FOCAD: variants seen among roughly 807,000 people sequenced by gnomAD.
FOCAD encodes the protein KIAA1797.
Under a neutral mutation model 225.6 loss-of-function variants are expected in FOCAD, and 198 were observed. That is an observed-to-expected ratio of 0.88 (90% CI 0.78 to 0.99). The LOEUF is 0.99. Ranked by LOEUF, FOCAD falls within the 50% of genes least tolerant of loss-of-function variation. The probability of loss-of-function intolerance (pLI) is 0.00; values close to 1 mark genes in which losing one functional copy is unlikely to be tolerated. For missense variants in FOCAD, 2,713 were observed against 2,123.6 expected (o/e 1.28, Z -5.46); for synonymous variants, 897 against 755.0 (o/e 1.19, Z -3.08).
At chr9:20,732,955 A>G (rs2131615462) in intron 4 of FOCAD, among the ~76,000 whole-genome samples, 1 of 152,296 alleles carries the variant, frequency 6.6e-6, no homozygotes, top group East Asian at 1.9e-4. Flanking sequence ...TGTGTTGAAT[A>G]TGAGGCACAA....
Position 20,885,153 on chromosome 9 carries a change from G to A in FOCAD, c.2548G>A (p.Asp850Asn). 1 of 1,543,216 alleles carries A rather than the reference G, an allele frequency of 6.5e-7. No individual in the cohort carries two copies. Among genetic ancestry groups the A allele is most frequent in the African/African-American group, 1.4e-5 (1 of 72,520 alleles). Residue 850 changes from aspartate (D) to asparagine (N), a missense_variant, in exon 21 of 44, where the codon GAT becomes AAT. By Grantham distance (23) the Asp-to-Asn change is conservative. Transcript: ENST00000338382. Reference protein sequence around the residue: ...CYDVSMYQSKDGKPLNRLMAS... With the variant: ...CYDVSMYQSKNGKPLNRLMAS... ...TGATGTTTCCATGTATCAGAGTAAAGATGGAAAACCATTGAACAGACTGAT... is the reference window on the plus strand; with the variant it reads ...TGATGTTTCCATGTATCAGAGTAAAAATGGAAAACCATTGAACAGACTGAT...
chr9:20,708,601 T>A (rs1315219530), intron 1 of FOCAD, among the ~76,000 whole-genome samples: 1 of 151,796 alleles, frequency 6.6e-6, no homozygotes, highest in East Asian at 1.9e-4. Context: ...GAGTCCCCGT[T>A]GCTACAAAAA....
At chr9:20,687,603 A>G (rs1023499941) in intron 1 of FOCAD, among the ~76,000 whole-genome samples, 3 of 152,242 alleles carry the variant, frequency 2.0e-5, no homozygotes, top group Admixed American at 6.5e-5. Context: ...CGTGGAGAAG[A>G]ATGGAGGAAA....
chr9:20,902,872 A>G (rs909734201), intron 21 of FOCAD, among the ~76,000 whole-genome samples: 1 of 152,076 alleles, frequency 6.6e-6, no homozygotes, highest in South Asian at 2.1e-4. Flanking sequence ...GTTTCGAATG[A>G]TGATGACAAA....
intron 28 of FOCAD, among the ~76,000 whole-genome samples, chr9:20,937,143 G>T (rs1836060578): frequency 1.3e-5 from 2 of 149,868 alleles, no homozygotes; most frequent in South Asian, 4.4e-4. Flanking sequence ...CGTGAAAATG[G>T]CCATACTGCC....
chr9:20,745,711 A>G (rs1386776216), intron 5 of FOCAD, among the ~76,000 whole-genome samples: 1 of 152,204 alleles, frequency 6.6e-6, no homozygotes, highest in Non-Finnish European at 1.5e-5. Context: ...GATGTGCCAG[A>G]CAGTGGCTGA....
At chr9:20,816,925 T>A (rs112849912) in intron 11 of FOCAD, among the ~76,000 whole-genome samples, 8 of 152,188 alleles carry the variant, frequency 5.3e-5, no homozygotes. Flanking sequence ...TGAAAGGATG[T>A]GCATAGGTTG....
intron 27 of FOCAD, among the ~76,000 whole-genome samples, chr9:20,931,488 A>G (rs1835467056): frequency 6.6e-6 from 1 of 152,202 alleles, no homozygotes; most frequent in Admixed American, 6.5e-5. Flanking sequence ...AGGTAGTAAC[A>G]ATGCTAACAG....
intron 35 of FOCAD, among the ~76,000 whole-genome samples, chr9:20,973,563 A>C (rs1231332741): frequency 1.8e-5 from 2 of 114,058 alleles, no homozygotes. Context: ...CCTTTTTCCT[A>C]TGTTTCTCCT....
chr9:20,789,252 G>T, intron 10 of FOCAD, 99 bp from the exon 11 acceptor site: 1 of 1,307,652 alleles, frequency 7.6e-7, no homozygotes, highest in South Asian at 1.3e-5. Context: ...TTGTTGGAAG[G>T]AGTGATATCT....
Position 20,789,443 on chromosome 9 carries a change from T to G in FOCAD, c.1290T>G (p.Ala430=), listed in dbSNP as rs754033746. Residue 430 remains alanine (A), a synonymous_variant, in exon 11 of 44, where the codon GCT becomes GCG. Transcript: ENST00000338382. The stretch of plus-strand genomic sequence containing the variant: ...TTGAAGTAATGACAGACTCGTCTGC[T>G]GCAAGTGACTGGTTGGCTTCAGTAG... ...RILEVMTDSS[A]ASDWLASVES... is the part of the protein sequence containing the mutation. 1 of 1,614,100 alleles carries G rather than the reference T, an allele frequency of 6.2e-7. No individual in the cohort carries two copies. The highest frequency in any genetic ancestry group is 1.1e-5 in the South Asian group (1 of 91,088).
chr9:20,959,848 T>A (rs1026207169), intron 35 of FOCAD, among the ~76,000 whole-genome samples: 1 of 152,218 alleles, frequency 6.6e-6, no homozygotes, highest in African/African-American at 2.4e-5. Flanking sequence ...GCTATAGATA[T>A]ATAGATTAAT....
chr9:20,910,291 A>G (rs562662482), intron 22 of FOCAD, among the ~76,000 whole-genome samples: 62 of 149,380 alleles, frequency 4.2e-4, no homozygotes, highest in Non-Finnish European at 8.2e-4. Context: ...TAAGGTCTCC[A>G]GCCTTTTTGA....
chr9:20,873,274 A>G (rs1472983825), intron 18 of FOCAD, among the ~76,000 whole-genome samples: 3 of 152,164 alleles, frequency 2.0e-5, no homozygotes, highest in African/African-American at 7.2e-5. Flanking sequence ...AGCAAGGCAG[A>G]AGAACTCAGA....
At chr9:20,888,217 C>A (rs1205646093) in intron 21 of FOCAD, among the ~76,000 whole-genome samples, 1 of 144,066 alleles carries the variant, frequency 6.9e-6, no homozygotes, top group East Asian at 2.2e-4. Flanking sequence ...CAGCTCACTA[C>A]AACCTCCGCC....
At chr9:20,752,065 G>A (rs1828604467) in intron 5 of FOCAD, among the ~76,000 whole-genome samples, 1 of 142,488 alleles carries the variant, frequency 7.0e-6, no homozygotes, top group Non-Finnish European at 1.5e-5. Flanking sequence ...TTAGCCCTTT[G>A]TCAGATGAGT....
In FOCAD at chr9:20,989,662, T is replaced by C. The variant is rs75143877; in HGVS notation, c.5005-461T>C. Among the ~76,000 whole-genome samples the C allele has an allele frequency of 6.7e-3, 1,019 of 152,284 alleles. 13 individuals carry two copies. The highest frequency in any genetic ancestry group is 0.023 in the African/African-American group (962 of 41,540). On this transcript the variant is annotated intron_variant, in intron 41 of 43. Transcript: ENST00000338382. ...AGTGAGACCCCATTTCTTAAAACAT[T>C]TTTTAAAAAAAATGAAGAAAGACTT...
At chr9:20,855,578 G>A (rs556525511) in intron 15 of FOCAD, among the ~76,000 whole-genome samples, 2 of 151,550 alleles carry the variant, frequency 1.3e-5, no homozygotes, top group African/African-American at 2.4e-5. Flanking sequence ...ATCACCTCAA[G>A]CATTATCATT....
chr9:20,865,853 G>T, intron 16 of FOCAD, 73 bp from the exon 17 acceptor site: 1 of 1,036,510 alleles, frequency 9.6e-7, no homozygotes, highest in Non-Finnish European at 1.4e-6. Flanking sequence ...TTCATTATTT[G>T]CTACTTTGGA....
Sources: allele counts gnomAD v4.1 joint callset (sites outside exome capture counted in the v4.1 genomes callset), GRCh38; gene constraint gnomAD v4.1.1; transcripts MANE v1.5; gene names NCBI Gene and HGNC (gene_info 2026-07-23, HGNC 2026-07-21).